Variants in MSRB3 observed in about 807,000 individuals in gnomAD.
MSRB3 encodes the protein methionine sulfoxide reductase B3.
Under a neutral mutation model 21.0 loss-of-function variants are expected in MSRB3, and 13 were observed. That is an observed-to-expected ratio of 0.62 (90% CI 0.40 to 0.98). The LOEUF (loss-of-function observed/expected upper bound fraction) is 0.98. Ranked by LOEUF, MSRB3 falls within the 50% of genes least tolerant of loss-of-function variation. MSRB3 has a pLI of 0.00. For missense variants in MSRB3, 199 were observed against 230.3 expected, an observed-to-expected ratio of 0.86 and a Z score of 0.88; for synonymous variants, 87 against 88.6, an observed-to-expected ratio of 0.98 and a Z score of 0.10.
Position 65,455,992 on chromosome 12 carries a change from C to T in MSRB3, c.390+2167C>T, listed in dbSNP as rs139142228. Among the ~76,000 whole-genome samples the T allele has an allele frequency of 2.3e-3, 352 of 152,266 alleles. 2 individuals are homozygous for T. The highest frequency in any genetic ancestry group is 7.8e-3 in the African/African-American group (326 of 41,544). Reference sequence around the variant, plus strand: ...GCTCAAGTGATCCACCTGCCTCAGCCTCCTAAAGTGCTGGGATTACAGGCA... The same window carrying T: ...GCTCAAGTGATCCACCTGCCTCAGCTTCCTAAAGTGCTGGGATTACAGGCA... On this transcript the variant is annotated intron_variant, in intron 6 of 6. Transcript: ENST00000308259.
intron 4 of MSRB3, among the ~76,000 whole-genome samples, chr12:65,364,987 C>A (rs532252229): frequency 5.3e-5 from 8 of 152,020 alleles, no homozygotes; most frequent in African/African-American, 1.9e-4. Context: ...AAGATGTTTT[C>A]TCTGCACCTT....
chr12:65,410,614 A>C (rs1880666311), intron 5 of MSRB3, among the ~76,000 whole-genome samples: 1 of 152,206 alleles, frequency 6.6e-6, no homozygotes, highest in Non-Finnish European at 1.5e-5. Context: ...ACTACACTCC[A>C]GCCTGGGTGA....
chr12:65,353,475 T>A (rs1330815848), intron 4 of MSRB3, among the ~76,000 whole-genome samples: 4 of 152,230 alleles, frequency 2.6e-5, no homozygotes, highest in Admixed American at 1.3e-4. Context: ...TTTACCATTA[T>A]GTAATGGCCT....
At chr12:65,381,923 G>T (rs1878957386) in intron 5 of MSRB3, among the ~76,000 whole-genome samples, 1 of 151,846 alleles carries the variant, frequency 6.6e-6, no homozygotes, top group Non-Finnish European at 1.5e-5. Flanking sequence ...TAATATTAAA[G>T]ACATACTTAA....
chr12:65,350,112 T>C (rs1245963828), intron 4 of MSRB3, among the ~76,000 whole-genome samples: 1 of 152,010 alleles, frequency 6.6e-6, no homozygotes, highest in Admixed American at 6.6e-5. Context: ...GGATCCAGTT[T>C]CAGCTATCTA....
At chr12:65,412,256 A>C (rs1214524284) in intron 5 of MSRB3, among the ~76,000 whole-genome samples, 1 of 152,204 alleles carries the variant, frequency 6.6e-6, no homozygotes, top group Non-Finnish European at 1.5e-5. Context: ...GCTTTCACTG[A>C]AAATGTGCAA....
At chr12:65,317,481 A>G (rs984022485) in intron 2 of MSRB3, among the ~76,000 whole-genome samples, 2 of 152,260 alleles carry the variant, frequency 1.3e-5, no homozygotes, top group Middle Eastern at 3.4e-3. Flanking sequence ...CAAGAAACCC[A>G]TGTCACCTAG....
At chr12:65,398,253 A>G (rs1362233000) in intron 5 of MSRB3, among the ~76,000 whole-genome samples, 2 of 152,152 alleles carry the variant, frequency 1.3e-5, no homozygotes, top group Non-Finnish European at 2.9e-5. Flanking sequence ...CTATTTCTCT[A>G]CATCCTCTCC....
At chr12:65,419,109 T>A (rs1246300777) in intron 5 of MSRB3, 3 of 686,648 alleles carry the variant, frequency 4.4e-6, no homozygotes, top group African/African-American at 3.5e-5. Flanking sequence ...AGGACTGGGC[T>A]GTATGTTACA....
At position 65,381,140 on chromosome 12, in the gene MSRB3, G is replaced by T. The variant is rs373871959; in HGVS notation, c.292+12114G>T. 7.2e-5 allele frequency among the ~76,000 whole-genome samples: 11 copies of T among 152,266 alleles called. No individual in the cohort carries two copies. The East Asian group carries it at 1.2e-3, about 16-fold the overall frequency. ...ATATTCATGAAGGATTTGTTGCAAA[G>T]AAATGATAAGGAAGAGTTAACTGGT... On this transcript the variant is annotated intron_variant, in intron 5 of 6. Coordinates refer to ENST00000308259, the MANE Select transcript of MSRB3 (RefSeq NM_001031679.3).
intron 5 of MSRB3, among the ~76,000 whole-genome samples, chr12:65,421,887 C>A (rs1490945112): frequency 1.3e-5 from 2 of 152,158 alleles, no homozygotes; most frequent in Non-Finnish European, 2.9e-5. Context: ...TCAACACTAA[C>A]CTTGAATGTA....
chr12:65,313,587 C>G lies in MSRB3; in HGVS notation c.76+4932C>G, dbSNP rs117523829. On this transcript the variant is annotated intron_variant, in intron 2 of 6. Transcript: ENST00000308259. ...AAAGGGGGTTCTTTGACCACATATT[C>G]AGGACCTCTGTTCTAAAAGATGCAC... is the stretch of plus-strand genomic sequence containing the variant. Among the ~76,000 whole-genome samples, 876 of 152,138 alleles carry G rather than the reference C, an allele frequency of 5.8e-3. 5 individuals are homozygous for G. Among genetic ancestry groups the G allele is most frequent in the Non-Finnish European group, 0.01 (680 of 67,938 alleles).
chr12:65,423,826 G>T (rs1254943662), intron 5 of MSRB3, among the ~76,000 whole-genome samples: 1 of 152,082 alleles, frequency 6.6e-6, no homozygotes. Flanking sequence ...TCTGGCTTTG[G>T]TATCAGAGTA....
intron 1 of MSRB3, chr12:65,307,003 A>T: frequency 3.0e-6 from 3 of 985,906 alleles, no homozygotes; most frequent in Non-Finnish European, 3.6e-6. Context: ...CTGTGGAAGC[A>T]CAGTGAGACT....
chr12:65,403,824 C>T (rs967234607), intron 5 of MSRB3, among the ~76,000 whole-genome samples: 3 of 152,248 alleles, frequency 2.0e-5, no homozygotes, highest in Non-Finnish European at 2.9e-5. Flanking sequence ...TTCCTCATGG[C>T]GCAGTCCCTC....
chr12:65,335,195 T>C (rs1875683131), intron 4 of MSRB3, among the ~76,000 whole-genome samples: 1 of 152,146 alleles, frequency 6.6e-6, no homozygotes, highest in African/African-American at 2.4e-5. Flanking sequence ...ATTCAACAAA[T>C]GTTAAATACA....
intron 4 of MSRB3, among the ~76,000 whole-genome samples, chr12:65,358,604 G>A (rs1877525190): frequency 6.6e-6 from 1 of 151,636 alleles, no homozygotes; most frequent in Non-Finnish European, 1.5e-5. Context: ...TGATGATCCA[G>A]GTTTATCTTG....
intron 2 of MSRB3, among the ~76,000 whole-genome samples, chr12:65,325,469 G>A (rs1333664804): frequency 6.6e-6 from 1 of 151,984 alleles, no homozygotes; most frequent in East Asian, 1.9e-4. Context: ...CTCTTTTGCT[G>A]CCTCCATTTT....
chr12:65,444,073 G>T (rs1882505426), intron 5 of MSRB3, among the ~76,000 whole-genome samples: 1 of 151,990 alleles, frequency 6.6e-6, no homozygotes, highest in Non-Finnish European at 1.5e-5. Context: ...AAGTAATCAT[G>T]GTCTCATAGT....
Sources: allele counts gnomAD v4.1 joint callset (sites outside exome capture counted in the v4.1 genomes callset), GRCh38; gene constraint gnomAD v4.1.1; transcripts MANE v1.5; gene names NCBI Gene and HGNC (gene_info 2026-07-23, HGNC 2026-07-21).